EFCAB8: variants seen among roughly 807,000 people sequenced by gnomAD.
EFCAB8 encodes the protein EF-hand calcium-binding domain-containing protein 8.
Under a neutral mutation model 116.3 loss-of-function variants are expected in EFCAB8, and 100 were observed. The observed-to-expected ratio is 0.86, with a 90% CI of 0.73 to 1.02. The LOEUF (loss-of-function observed/expected upper bound fraction) is 1.02. Among genes scored for constraint, EFCAB8 ranks in the 50% least tolerant of loss-of-function variants. EFCAB8 has a pLI of 0.00. For missense variants in EFCAB8, 1,320 were observed against 1,416.9 expected (o/e 0.93, Z 1.10); for synonymous variants, 558 against 567.9 (o/e 0.98, Z 0.25).
At chr20:32,876,068 T>C in intron 4 of EFCAB8, 24 bp downstream of exon 4, 2 of 1,542,594 alleles carry the variant, frequency 1.3e-6, no homozygotes, top group Non-Finnish European at 1.8e-6. Context: ...CCCTGCTTCC[T>C]CAGGTGCTGG....
chr20:32,912,234 C>T (rs1303274389), intron 16 of EFCAB8, among the ~76,000 whole-genome samples: 3 of 151,866 alleles, frequency 2.0e-5, no homozygotes, highest in South Asian at 4.2e-4. Flanking sequence ...GCCAGGAGTT[C>T]GAGACCAGCC....
intron 6 of EFCAB8, among the ~76,000 whole-genome samples, chr20:32,886,565 G>A (rs1985641906): frequency 6.6e-6 from 1 of 152,190 alleles, no homozygotes; most frequent in Non-Finnish European, 1.5e-5. Context: ...ACTAGGGTCT[G>A]TGGGGTCCCA....
chr20:32,926,756 C>A (rs372201814), intron 20 of EFCAB8, among the ~76,000 whole-genome samples: 1 of 141,146 alleles, frequency 7.1e-6, no homozygotes, highest in Non-Finnish European at 1.5e-5. Flanking sequence ...TGAGAATATG[C>A]GGTGTTTGGT....
intron 11 of EFCAB8, among the ~76,000 whole-genome samples, chr20:32,904,564 G>A (rs1200995366): frequency 6.7e-6 from 1 of 149,628 alleles, no homozygotes; most frequent in Non-Finnish European, 1.5e-5. Flanking sequence ...CTGCCAAAGT[G>A]CTGGGATTGC....
chr20:32,863,876 T>A, intron 2 of EFCAB8, 42 bp downstream of exon 2: 2 of 1,547,364 alleles, frequency 1.3e-6, no homozygotes, highest in South Asian at 1.2e-5. Context: ...GGTGGGGCAT[T>A]CCAGAGTCAC....
chr20:32,893,341 C>T lies in EFCAB8; in HGVS notation c.883+43C>T, dbSNP rs370764882. On this transcript the variant is annotated intron_variant, in intron 9 of 26. Transcript: ENST00000400522. Reference sequence around the variant, plus strand: ...GAAGGGGGCAGAGGCCTGGGCATGGCCTAGATGTGGGTGCTGAGGTCATCC... The same window carrying T: ...GAAGGGGGCAGAGGCCTGGGCATGGTCTAGATGTGGGTGCTGAGGTCATCC... The T allele has an allele frequency of 3.2e-6, 5 of 1,550,336 alleles. No individual in the cohort carries two copies. In the African/African-American group the frequency reaches 6.8e-5, roughly 21 times the overall value.
chr20:32,898,632 T>C lies in EFCAB8; in HGVS notation c.1088+9T>C, dbSNP rs780287228. The C allele has an allele frequency of 7.0e-6, 5 of 717,212 alleles. No individual in the cohort carries two copies. The African/African-American group carries it at 8.8e-5, about 13-fold the overall frequency. 44.4% of individuals were successfully genotyped at this position (717,212 alleles called of 1,614,324 possible). On this transcript the variant is annotated intron_variant, in intron 11 of 26. Coordinates refer to ENST00000400522, the MANE Select transcript of EFCAB8 (RefSeq NM_001143967.2). ...GCCTCTAAGAAACCCAGGTAAGAAG[T>C]GCTTCTCTCCTGGCTAAGGCGGTGG...
At chr20:32,878,300 A>T (rs532713434) in intron 4 of EFCAB8, among the ~76,000 whole-genome samples, 5 of 151,648 alleles carry the variant, frequency 3.3e-5, no homozygotes, top group Admixed American at 3.3e-4. Context: ...GTGGTGGCTC[A>T]TGGTTATAAT....
chr20:32,957,018 G>A (rs1299074596), intron 23 of EFCAB8, among the ~76,000 whole-genome samples: 1 of 146,322 alleles, frequency 6.8e-6, no homozygotes, highest in East Asian at 2.0e-4. Context: ...TCCAGTTCAC[G>A]AATCCTATCC....
chr20:32,919,300 A>G lies in EFCAB8; in HGVS notation c.2274+726A>G, dbSNP rs374937793. Reference sequence around the variant, plus strand: ...TTGAGTGAGAAACACCACCGTCCCCAAACACACAATAATTGCTAGGCATAG... The same window carrying G: ...TTGAGTGAGAAACACCACCGTCCCCGAACACACAATAATTGCTAGGCATAG... On this transcript the variant is annotated intron_variant, in intron 19 of 26. Transcript: ENST00000400522. Among the ~76,000 whole-genome samples the G allele has an allele frequency of 2.0e-5, 3 of 152,296 alleles. No individual in the cohort carries two copies. In the East Asian group the frequency reaches 5.8e-4, roughly 29 times the overall value.
At chr20:32,951,576 G>A (rs114836038) in intron 23 of EFCAB8, among the ~76,000 whole-genome samples, 225 of 152,268 alleles carry the variant, frequency 1.5e-3, no homozygotes, top group African/African-American at 5.2e-3. Context: ...GGAAGGGTGG[G>A]AGCTCAAAGA....
intron 20 of EFCAB8, among the ~76,000 whole-genome samples, chr20:32,928,070 A>G (rs1987742390): frequency 6.6e-6 from 1 of 152,118 alleles, no homozygotes. Flanking sequence ...TGCAAGTGGA[A>G]TCATATGTTT....
chr20:32,896,528 G>T lies in EFCAB8; in HGVS notation c.957+1G>T. On this transcript the variant is annotated splice_donor_variant, in intron 10 of 26. Transcript: ENST00000400522. LOFTEE classifies it high-confidence loss of function. ...TTTGCATAGAAGCTACCGGCTGAAG[G>T]TGAGTTTTTTCTTTCCTTGGCCTGT... The T allele has an allele frequency of 1.4e-6, 1 of 718,802 alleles. No homozygotes were observed. Among genetic ancestry groups the T allele is most frequent in the Non-Finnish European group, 2.6e-6 (1 of 385,136 alleles). The allele number at this position is 718,802 out of a possible 1,614,324, so 44.5% of individuals were successfully genotyped here.
In EFCAB8 at chr20:32,893,296, G is replaced by C. The variant is rs778113044; in HGVS notation, c.881G>C (p.Trp294Ser). The C allele has an allele frequency of 3.9e-6, 6 of 1,551,638 alleles. No individual in the cohort carries two copies. Among genetic ancestry groups the C allele is most frequent in the Non-Finnish European group, 4.4e-6 (5 of 1,146,998 alleles). Reference sequence around the variant, plus strand: ...CGTATCCTCCCCAGGGCCTCCAAGTGGGGTAGCTAAGATGCTGGGGAAGGG... The same window carrying C: ...CGTATCCTCCCCAGGGCCTCCAAGTCGGGTAGCTAAGATGCTGGGGAAGGG... Reference protein sequence around the residue: ...NPRILPRASKWDHWIKVSLQK... With the variant: ...NPRILPRASKSDHWIKVSLQK... Residue 294 changes from tryptophan to serine, a missense_variant and splice_region_variant, in exon 9 of 27, where the codon TGG becomes TCG. By Grantham distance (177) the Trp-to-Ser change is radical. Transcript: ENST00000400522.
chr20:32,892,407 T>A, intron 8 of EFCAB8, 110 bp downstream of exon 8: 1 of 908,416 alleles, frequency 1.1e-6, no homozygotes. Context: ...TGGAAAGATC[T>A]GGAAATATCT....
intron 23 of EFCAB8, among the ~76,000 whole-genome samples, chr20:32,948,552 GAA>G (rs1192020170): frequency 7.0e-6 from 1 of 143,824 alleles, no homozygotes; most frequent in African/African-American, 2.6e-5. Context: ...AAGAAAGAAA[GAA>G]AGAAAGAAAG....
intron 15 of EFCAB8, 59 bp downstream of exon 15, chr20:32,909,990 A>G (rs1729493836): frequency 1.3e-5 from 11 of 878,274 alleles, no homozygotes; most frequent in Non-Finnish European, 1.7e-5. Context: ...CACGGGGCAG[A>G]ACCAGACCTC....
intron 11 of EFCAB8, among the ~76,000 whole-genome samples, chr20:32,899,637 C>T (rs573706195): frequency 5.3e-5 from 8 of 151,854 alleles, no homozygotes; most frequent in African/African-American, 1.4e-4. Context: ...TGTAATGGTG[C>T]GATCTCGGCT....
Position 32,939,157 on chromosome 20 carries a change from T to C in EFCAB8, c.2791-4479T>C, listed in dbSNP as rs1418975621. On this transcript the variant is annotated intron_variant, in intron 22 of 26. Transcript: ENST00000400522. ...TTTCTTTCTTTCTTTCTTTCTTTCT[T>C]TCTTTCTTTCTTTCTTTCTTTCTTT... Among the ~76,000 whole-genome samples, 16 of 88,734 alleles carry C rather than the reference T, an allele frequency of 1.8e-4. 2 individuals are homozygous for C. The South Asian group carries it at 5.0e-3, about 28-fold the overall frequency. The allele number at this position is 88,734 out of a possible 152,430, so 58.2% of individuals were successfully genotyped here.
Sources: gnomAD v4.1 joint callset for allele counts (sites outside exome capture counted in the v4.1 genomes callset) on GRCh38, gnomAD v4.1.1 for gene constraint, MANE v1.5 for transcripts, NCBI Gene and HGNC (gene_info 2026-07-23, HGNC 2026-07-21) for gene names.